FAM81A: variants seen among roughly 807,000 people sequenced by gnomAD.
FAM81A encodes the protein protein FAM81A.
Under a neutral mutation model 46.7 loss-of-function variants are expected in FAM81A, and 19 were observed. That is an observed-to-expected ratio of 0.41 (90% CI 0.28 to 0.60). FAM81A has a LOEUF of 0.60. Ranked by LOEUF, FAM81A falls within the 20% of genes least tolerant of loss-of-function variation. The pLI is 0.34. For synonymous variants in FAM81A, 183 were observed against 152.9 expected (o/e 1.20, Z -1.45); for missense variants, 377 against 453.5 (o/e 0.83, Z 1.53).
intron 6 of FAM81A, among the ~76,000 whole-genome samples, chr15:59,510,476 A>G (rs75814400): frequency 5.3e-5 from 8 of 152,220 alleles, no homozygotes; most frequent in East Asian, 3.9e-4. Flanking sequence ...AAATAAATAT[A>G]GAAAGATCTT....
intron 3 of FAM81A, among the ~76,000 whole-genome samples, chr15:59,475,468 T>G (rs2081754888): frequency 6.6e-6 from 1 of 152,146 alleles, no homozygotes; most frequent in African/African-American, 2.4e-5. Flanking sequence ...TTTAAGATGA[T>G]TTTTGAAAAA....
At position 59,453,939 on chromosome 15, in the gene FAM81A, A is replaced by G. The variant is rs149109094; in HGVS notation, c.-77-4611A>G. Among the ~76,000 whole-genome samples the G allele has an allele frequency of 3.5e-3, 538 of 152,244 alleles. 5 individuals are homozygous for G. Among genetic ancestry groups the G allele is most frequent in the African/African-American group, 0.012 (514 of 41,534 alleles). ...CCAGGGCCTTGGGCCTGCATGCACC[A>G]CTGTGACTCCCCATCTCCTCTGACT... On this transcript the variant is annotated intron_variant, in intron 1 of 8. Transcript: ENST00000288228.
intron 2 of FAM81A, among the ~76,000 whole-genome samples, chr15:59,427,928 G>A (rs1450683972): frequency 6.6e-6 from 1 of 152,234 alleles, no homozygotes; most frequent in Non-Finnish European, 1.5e-5. Context: ...ATCTGGCAGT[G>A]AAACTGCTGG....
In FAM81A at chr15:59,460,240, C is replaced by G. The variant is rs751041572; in HGVS notation, c.294+34C>G. The G allele has an allele frequency of 6.2e-7, 1 of 1,613,800 alleles. No individual in the cohort carries two copies. The highest frequency in any genetic ancestry group is 2.2e-5 in the East Asian group (1 of 44,890). ...TGTGAAAGTCAGGTGGCCTATGTCC[C>G]TTTCCACAGAATTGCTCCATGTCAG... On this transcript the variant is annotated intron_variant, in intron 3 of 8. Coordinates refer to ENST00000288228, the MANE Select transcript of FAM81A (RefSeq NM_152450.3). The surrounding 1 kb of genome is among the most constrained non-coding windows in gnomAD (Gnocchi z 4.4).
At chr15:59,508,429 G>A (rs1021106839) in intron 5 of FAM81A, among the ~76,000 whole-genome samples, 3 of 152,206 alleles carry the variant, frequency 2.0e-5, no homozygotes, top group Non-Finnish European at 2.9e-5. Flanking sequence ...TAGTCTACAA[G>A]TTATATTGAC....
chr15:59,400,180 C>A (rs2081064219), intron 1 of FAM81A, among the ~76,000 whole-genome samples: 1 of 152,144 alleles, frequency 6.6e-6, no homozygotes, highest in South Asian at 2.1e-4. Context: ...ATGCTCTTGC[C>A]CCCCAATTCA....
At chr15:59,441,545 G>T (rs2081297809) in intron 1 of FAM81A, among the ~76,000 whole-genome samples, 1 of 152,234 alleles carries the variant, frequency 6.6e-6, no homozygotes, top group Admixed American at 6.5e-5. Context: ...CTGTCCTCAG[G>T]TTCTCTTCTT....
chr15:59,458,675 G>A (rs1488175781), intron 2 of FAM81A, 29 bp downstream of exon 2: 2 of 1,589,708 alleles, frequency 1.3e-6, no homozygotes, highest in Non-Finnish European at 1.7e-6. Context: ...CTCATCCCAT[G>A]GGGGCTGCTA....
chr15:59,508,675 G>C (rs755807688), intron 5 of FAM81A, among the ~76,000 whole-genome samples, 188 bp from the exon 6 acceptor site: 23 of 152,136 alleles, frequency 1.5e-4, no homozygotes, highest in Non-Finnish European at 2.5e-4. Context: ...CAGTGCTACT[G>C]GTCTTGATTT....
intron 4 of FAM81A, among the ~76,000 whole-genome samples, chr15:59,498,413 T>G (rs539815418): frequency 6.6e-6 from 1 of 152,326 alleles, no homozygotes; most frequent in South Asian, 2.1e-4. Context: ...TTACTTCTAA[T>G]AATTTCTAGT....
At chr15:59,429,133 T>C (rs1457078625) in intron 2 of FAM81A, among the ~76,000 whole-genome samples, 1 of 152,236 alleles carries the variant, frequency 6.6e-6, no homozygotes, top group Non-Finnish European at 1.5e-5. Context: ...AAAGGTACTA[T>C]TCTTTCTTCA....
chr15:59,491,795 G>A (rs528444393), intron 3 of FAM81A, among the ~76,000 whole-genome samples: 10 of 152,072 alleles, frequency 6.6e-5, no homozygotes, highest in South Asian at 2.1e-4. Context: ...CACAAACTCC[G>A]TCTCTATTAA....
intron 3 of FAM81A, among the ~76,000 whole-genome samples, chr15:59,474,798 T>C (rs1344838696): frequency 6.6e-6 from 1 of 152,150 alleles, no homozygotes. Context: ...TCAAGGCCAG[T>C]TAGTGGCAGT....
chr15:59,504,973 A>G (rs1250762826), intron 4 of FAM81A, among the ~76,000 whole-genome samples: 1 of 152,186 alleles, frequency 6.6e-6, no homozygotes, highest in African/African-American at 2.4e-5. Flanking sequence ...ACATCTTAAA[A>G]TTCATGTCTT....
rs556943761 is a variant in FAM81A at position 59,520,558 on chromosome 15, G to C, written c.983-696G>C. ...GACTATCCCTAGTTTAGATTTGTTT[G>C]CTTCATTTTTTTTTTTTTTTTTTTG... On this transcript the variant is annotated intron_variant, in intron 8 of 8. Coordinates refer to ENST00000288228, the MANE Select transcript of FAM81A (RefSeq NM_152450.3). 8.3e-3 allele frequency among the ~76,000 whole-genome samples: 1,198 copies of C among 143,676 alleles called. 14 individuals carry two copies. The highest frequency in any genetic ancestry group is 0.028 in the African/African-American group (1,111 of 40,324). 94.3% of individuals were successfully genotyped at this position (143,676 alleles called of 152,430 possible).
chr15:59,521,011 C>G (rs1407162874), intron 8 of FAM81A, among the ~76,000 whole-genome samples: 1 of 152,152 alleles, frequency 6.6e-6, no homozygotes, highest in Non-Finnish European at 1.5e-5. Flanking sequence ...GATTTGATCA[C>G]TTGGTTAAAG....
At chr15:59,457,741 A>G (rs2081501950) in intron 1 of FAM81A, among the ~76,000 whole-genome samples, 1 of 152,228 alleles carries the variant, frequency 6.6e-6, no homozygotes, top group East Asian at 1.9e-4. Flanking sequence ...TAGAGAGATG[A>G]CGCCAAAACA....
chr15:59,521,244 C>T lies in FAM81A; in HGVS notation c.983-10C>T. Reference sequence around the variant, plus strand: ...TTGTTAACTGTTGTGAAATTTACCTCTCCTTCAAGGGTTTACAGCCGTCTA... The same window carrying T: ...TTGTTAACTGTTGTGAAATTTACCTTTCCTTCAAGGGTTTACAGCCGTCTA... On this transcript the variant is annotated splice_polypyrimidine_tract_variant and intron_variant, in intron 8 of 8. Transcript: ENST00000288228. The T allele has an allele frequency of 1.3e-6, 2 of 1,599,782 alleles. No homozygotes were observed. The highest frequency in any genetic ancestry group is 1.7e-6 in the Non-Finnish European group (2 of 1,175,284).
At chr15:59,500,663 T>C (rs1231213917) in intron 4 of FAM81A, among the ~76,000 whole-genome samples, 2 of 152,060 alleles carry the variant, frequency 1.3e-5, no homozygotes, top group Non-Finnish European at 2.9e-5. Flanking sequence ...CTCATTTTTT[T>C]TTTTGGAGAC....
Sources: gnomAD v4.1 joint callset for allele counts (sites outside exome capture counted in the v4.1 genomes callset) on GRCh38, gnomAD v4.1.1 for gene constraint, Gnocchi (gnomAD v3.1) non-coding constraint, MANE v1.5 for transcripts, NCBI Gene and HGNC (gene_info 2026-07-23, HGNC 2026-07-21) for gene names.